TEX264: variants seen among roughly 807,000 people sequenced by gnomAD.
TEX264 encodes testis-expressed protein 264.
A neutral mutation model predicts 23.4 loss-of-function variants in TEX264; 13 were observed. The observed-to-expected ratio is 0.56, with a 90% confidence interval of 0.36 to 0.88. TEX264 has a LOEUF of 0.88. TEX264 is among the 40% of genes least tolerant of loss of function. TEX264 has a pLI of 0.01. For missense variants in TEX264, 340 were observed against 406.8 expected, an observed-to-expected ratio of 0.84 and a Z score of 1.41; for synonymous variants, 159 against 170.0, an observed-to-expected ratio of 0.94 and a Z score of 0.50.
In TEX264 at chr3:51,691,990, C is replaced by A. The variant is rs991918617; in HGVS notation, c.480+7356C>A. The stretch of plus-strand genomic sequence containing the variant: ...GGCCTCTCCCCTTTGTTGGCCTAGG[C>A]ACTGGAACCTGCTCCTTAGCCTCTC... On this transcript the variant is annotated intron_variant, in intron 3 of 4. Coordinates refer to ENST00000341333, the MANE Select transcript of TEX264 (RefSeq NM_015926.6). This position sits in a 1 kb window ranked among gnomAD's most constrained non-coding sequence, Gnocchi z 4.4. 6.6e-6 allele frequency among the ~76,000 whole-genome samples: 1 copy of A among 152,222 alleles called. No homozygotes were observed. The highest frequency in any genetic ancestry group is 2.4e-5 in the African/African-American group (1 of 41,450).
In TEX264 at chr3:51,671,254, G is replaced by C. The variant is rs1199005730; in HGVS notation, c.-69G>C. The C allele has an allele frequency of 1.3e-5, 2 of 152,128 alleles. No homozygotes were observed. The highest frequency in any genetic ancestry group is 2.9e-5 in the Non-Finnish European group (2 of 68,014). 9.4% of individuals were successfully genotyped at this position (152,128 alleles called of 1,614,324 possible). On this transcript the variant is annotated 5_prime_UTR_variant, in exon 1 of 5. Transcript: ENST00000341333. ...TCCGTAACCGAACCCTGAGCCGCCT[G>C]CGCGGATCGGCGTCCGCAGCGGGCG...
In TEX264 at chr3:51,704,258, T is replaced by C. The variant is rs1407429202; in HGVS notation, c.*242T>C. 21 of 377,256 alleles carry C rather than the reference T, an allele frequency of 5.6e-5. No individual in the cohort carries two copies. In the Admixed American group the frequency reaches 7.9e-4, roughly 14 times the overall value. The allele number at this position is 377,256 out of a possible 1,614,324, so 23.4% of individuals were successfully genotyped here. A position where few individuals can be genotyped will look rare whatever the true frequency, so the allele number is the denominator to read the frequency against. ...GGCTGCCACCCCTGTTGTGTCTTTTTTTCAGACTCACAGTGGAGCTTCCAG... is the reference window on the plus strand; with the variant it reads ...GGCTGCCACCCCTGTTGTGTCTTTTCTTCAGACTCACAGTGGAGCTTCCAG... On this transcript the variant is annotated 3_prime_UTR_variant, in exon 5 of 5. Transcript: ENST00000341333.
chr3:51,699,629 C>T, intron 4 of TEX264, 55 bp downstream of exon 4: 1 of 1,588,414 alleles, frequency 6.3e-7, no homozygotes, highest in Non-Finnish European at 8.6e-7. Flanking sequence ...CTCTTCTGGA[C>T]TCCAGGGGCT....
chr3:51,678,034 G>A (rs192011975), intron 2 of TEX264, among the ~76,000 whole-genome samples: 3 of 152,302 alleles, frequency 2.0e-5, no homozygotes, highest in African/African-American at 7.2e-5. Flanking sequence ...AAGGGATGGG[G>A]TATGAGTTCA....
At chr3:51,684,270 A>G in intron 2 of TEX264, 143 bp from the exon 3 acceptor site, 1 of 694,464 alleles carries the variant, frequency 1.4e-6, no homozygotes, top group South Asian at 1.9e-5. Context: ...GAAAATAGCT[A>G]GCTGTGTCCT....
At chr3:51,700,735 GA>G (rs1703264765) in intron 4 of TEX264, among the ~76,000 whole-genome samples, 1 of 151,772 alleles carries the variant, frequency 6.6e-6, no homozygotes, top group Non-Finnish European at 1.5e-5. Context: ...GTCATTGAAG[GA>G]CTGCTTGGCA....
intron 2 of TEX264, 102 bp from the exon 3 acceptor site, chr3:51,684,311 T>C: frequency 9.5e-7 from 1 of 1,047,498 alleles, no homozygotes; most frequent in Non-Finnish European, 1.4e-6. Flanking sequence ...TTGTCAGAGC[T>C]GCTGGTTCTT....
chr3:51,673,241 A>G (rs918552799), intron 1 of TEX264, among the ~76,000 whole-genome samples: 10 of 152,208 alleles, frequency 6.6e-5, no homozygotes, highest in African/African-American at 2.4e-4. Flanking sequence ...CCAGTGGGTC[A>G]CATGGCTCCC....
rs1032422774 is a variant in TEX264, at chr3:51,686,117, G to A, written c.480+1483G>A. ...GTTGGGGGGTGTGGAGTCAGCAATG[G>A]TATGTGTGGCCTGGAGTTGAGGAAA... On this transcript the variant is annotated intron_variant, in intron 3 of 4. Transcript: ENST00000341333. The surrounding 1 kb of genome is among the most constrained non-coding windows in gnomAD (Gnocchi z 4.1). 1.3e-5 allele frequency among the ~76,000 whole-genome samples: 2 copies of A among 152,184 alleles called. No individual in the cohort carries two copies. Among genetic ancestry groups the A allele is most frequent in the African/African-American group, 4.8e-5 (2 of 41,424 alleles).
At chr3:51,681,050 G>T (rs1246572490) in intron 2 of TEX264, among the ~76,000 whole-genome samples, 1 of 152,196 alleles carries the variant, frequency 6.6e-6, no homozygotes, top group East Asian at 1.9e-4. Context: ...TGGGTGGTAG[G>T]CTTGCTGAGA....
In TEX264 at chr3:51,701,311, G is replaced by A. The variant is rs1306937629; in HGVS notation, c.649+1737G>A. Reference sequence around the variant, plus strand: ...GGGGGTATAGGGATGCTACTTCCCCGTATTGCATTCCTTTTTTTTTTTTCT... The same window carrying A: ...GGGGGTATAGGGATGCTACTTCCCCATATTGCATTCCTTTTTTTTTTTTCT... On this transcript the variant is annotated intron_variant, in intron 4 of 4. Coordinates refer to ENST00000341333, the MANE Select transcript of TEX264 (RefSeq NM_015926.6). Among the ~76,000 whole-genome samples the A allele has an allele frequency of 6.0e-5, 9 of 150,672 alleles. No homozygotes were observed. The East Asian group carries it at 7.8e-4, about 13-fold the overall frequency.
chr3:51,684,840 A>C (rs773877618), intron 3 of TEX264, among the ~76,000 whole-genome samples: 1 of 152,250 alleles, frequency 6.6e-6, no homozygotes, highest in Non-Finnish European at 1.5e-5. Flanking sequence ...TGGAAGCCGG[A>C]GCATATCCCA....
At chr3:51,695,084 T>C (rs1179460911) in intron 3 of TEX264, among the ~76,000 whole-genome samples, 3 of 152,218 alleles carry the variant, frequency 2.0e-5, no homozygotes, top group African/African-American at 4.8e-5. Context: ...TTGGTGTCTG[T>C]AATTAAAAAT....
At chr3:51,674,590 C>T (rs1253748682) in intron 2 of TEX264, 28 bp downstream of exon 2, 1 of 1,607,652 alleles carries the variant, frequency 6.2e-7, no homozygotes, top group Admixed American at 1.7e-5. Context: ...GGTTCTGCCC[C>T]ATGGATGGGC....
chr3:51,694,637 T>C (rs1051903522), intron 3 of TEX264: 2 of 152,294 alleles, frequency 1.3e-5, no homozygotes, highest in African/African-American at 4.8e-5. Flanking sequence ...CCGATTTGTG[T>C]AGCCAAGCCA....
chr3:51,694,168 G>T (rs1702967429), intron 3 of TEX264, among the ~76,000 whole-genome samples: 1 of 140,718 alleles, frequency 7.1e-6, no homozygotes, highest in Admixed American at 7.6e-5. Flanking sequence ...GTTTTGCTCT[G>T]TTGCCCGGGC....
intron 3 of TEX264, among the ~76,000 whole-genome samples, chr3:51,694,904 TGGG>T (rs1382224585): frequency 6.6e-6 from 1 of 152,008 alleles, no homozygotes; most frequent in African/African-American, 2.4e-5. Flanking sequence ...GGCAGCCTGG[TGGG>T]GGTGAGAGGA....
At chr3:51,690,131 C>T (rs9880050) in intron 3 of TEX264, among the ~76,000 whole-genome samples, 6,774 of 152,308 alleles carry the variant, frequency 0.044, 501 homozygotes, top group African/African-American at 0.15. Flanking sequence ...CTTGTGTTTG[C>T]TTCCCTTTAG....
At chr3:51,684,150 C>A (rs1398604172) in intron 2 of TEX264, 1 of 505,294 alleles carries the variant, frequency 2.0e-6, no homozygotes, top group African/African-American at 1.9e-5. Context: ...AAGTCTAACC[C>A]CTCACTATGA....
Sources: allele counts gnomAD v4.1 joint callset (sites outside exome capture counted in the v4.1 genomes callset), GRCh38; gene constraint gnomAD v4.1.1; non-coding constraint Gnocchi (gnomAD v3.1); transcripts MANE v1.5; gene names NCBI Gene and HGNC (gene_info 2026-07-23, HGNC 2026-07-21).